ABCC8: variants seen among roughly 807,000 people sequenced by gnomAD.
ABCC8 encodes ATP-binding cassette sub-family C member 8.
A neutral mutation model predicts 188.0 loss-of-function variants in ABCC8; 137 were observed. The observed-to-expected ratio is 0.73, with a 90% CI of 0.63 to 0.84. ABCC8 has a LOEUF of 0.84. Ranked by LOEUF, ABCC8 falls within the 40% of genes least tolerant of loss-of-function variation. The probability of loss-of-function intolerance (pLI) is 0.00; values close to 1 mark genes in which losing one functional copy is unlikely to be tolerated. For missense variants in ABCC8, 1,750 were observed against 2,072.7 expected, an observed-to-expected ratio of 0.84 and a Z score of 3.02; for synonymous variants, 797 against 846.5, an observed-to-expected ratio of 0.94 and a Z score of 1.01.
chr11:17,448,347 A>G (rs1956620335), intron 8 of ABCC8, 169 bp downstream of exon 8: 1 of 675,026 alleles, frequency 1.5e-6, no homozygotes, highest in Non-Finnish European at 2.7e-6. Flanking sequence ...CTTGCAGAGT[A>G]TGGGACAGGA....
chr11:17,438,201 C>T (rs1956180652), intron 10 of ABCC8, among the ~76,000 whole-genome samples: 1 of 152,180 alleles, frequency 6.6e-6, no homozygotes, highest in Non-Finnish European at 1.5e-5. Context: ...TCTGAGTTAG[C>T]GCCTCCACTG....
chr11:17,405,924 G>A (rs1278203053), intron 26 of ABCC8, among the ~76,000 whole-genome samples: 5 of 152,252 alleles, frequency 3.3e-5, no homozygotes, highest in Non-Finnish European at 7.3e-5. Context: ...CTGACCCAGA[G>A]TCAGCCCAAC....
Position 17,393,057 on chromosome 11 carries a change from A to T in ABCC8, c.4680T>A (p.Asp1560Glu), listed in dbSNP as rs773228542. ...VLKRGAILEF[D>E]KPEKLLSRKD... Reference sequence around the variant, plus strand: ...TCCGGCTGAGCAGCTTCTCTGGCTTATCGAACTCAAGGATGGCACCCCGCT... The same window carrying T: ...TCCGGCTGAGCAGCTTCTCTGGCTTTTCGAACTCAAGGATGGCACCCCGCT... Residue 1560 changes from aspartate (D) to glutamate (E), a missense_variant, in exon 39 of 39, where the codon GAT becomes GAA. Physicochemically the swap from Asp to Glu is conservative, Grantham distance 45. Coordinates refer to ENST00000389817, the MANE Select transcript of ABCC8 (RefSeq NM_000352.6). The T allele has an allele frequency of 1.7e-5, 28 of 1,614,034 alleles. No homozygotes were observed. Among genetic ancestry groups the T allele is most frequent in the Non-Finnish European group, 2.4e-5 (28 of 1,180,048 alleles).
rs1316396816 is a variant in ABCC8, at chr11:17,406,965, T to C, written c.3085A>G (p.Ile1029Val). ...GTCCACTTGGCCAGCCAGTAGTCGA[T>C]GGCCACCAGGACCATGTGCTTGAGC... Reference protein sequence around the residue: ...QLLKHMVLVAIDYWLAKWTDS... With the variant: ...QLLKHMVLVAVDYWLAKWTDS... The change falls in exon 25 of 39, where the codon ATC (isoleucine) becomes GTC (valine). Residue 1029 changes from isoleucine (I) to valine (V), a missense_variant. Ile to Val is a conservative substitution (Grantham distance 29). Transcript: ENST00000389817. The C allele has an allele frequency of 1.2e-6, 2 of 1,614,170 alleles. No individual in the cohort carries two copies. The highest frequency in any genetic ancestry group is 1.1e-5 in the South Asian group (1 of 91,086).
chr11:17,426,128 T>C (rs1018791390), intron 16 of ABCC8, among the ~76,000 whole-genome samples: 1 of 152,226 alleles, frequency 6.6e-6, no homozygotes, highest in Non-Finnish European at 1.5e-5. Flanking sequence ...CTATTGTGAA[T>C]AGTGCTGCAA....
In ABCC8 at chr11:17,463,573, G is replaced by T. The variant is rs1166188987; in HGVS notation, c.444C>A (p.Ile148=). 1 of 1,590,308 alleles carries T rather than the reference G, an allele frequency of 6.3e-7. No individual in the cohort carries two copies. The highest frequency in any genetic ancestry group is 8.6e-7 in the Non-Finnish European group (1 of 1,168,072). ...ALLVYWTLAF[I]TKTIKFVKFL... is the part of the protein sequence containing the mutation. Reference sequence around the variant, plus strand: ...ACTTGACAAACTTGATGGTCTTGGTGATGAAGGCCAGGGTCCAATACACCA... The same window carrying T: ...ACTTGACAAACTTGATGGTCTTGGTTATGAAGGCCAGGGTCCAATACACCA... The change falls in exon 4 of 39, where the codon ATC becomes ATA. Residue 148 remains isoleucine (I), a synonymous_variant. Coordinates refer to ENST00000389817, the MANE Select transcript of ABCC8 (RefSeq NM_000352.6).
chr11:17,460,459 T>C (rs1957144146), intron 6 of ABCC8, 29 bp downstream of exon 6: 1 of 1,613,728 alleles, frequency 6.2e-7, no homozygotes, highest in African/African-American at 1.3e-5. Context: ...ATCTAGAGGG[T>C]GCCTTACCCT....
At chr11:17,460,855 C>T (rs999086993) in intron 5 of ABCC8, 179 bp from the exon 6 acceptor site, 4 of 1,272,452 alleles carry the variant, frequency 3.1e-6, no homozygotes, top group African/African-American at 3.0e-5. Flanking sequence ...TGGGAGGGCC[C>T]TATCAACACC....
At chr11:17,475,999 C>A (rs1181250484) in intron 1 of ABCC8, among the ~76,000 whole-genome samples, 1 of 152,194 alleles carries the variant, frequency 6.6e-6, no homozygotes. Context: ...AGCTACTTTG[C>A]GCAGAGCCTG....
intron 37 of ABCC8, 78 bp from the exon 38 acceptor site, chr11:17,393,837 C>T: frequency 6.2e-7 from 1 of 1,613,522 alleles, no homozygotes; most frequent in Non-Finnish European, 8.5e-7. Context: ...ATGTGGAGCC[C>T]AGGTCTGTGG....
At chr11:17,435,852 T>C in intron 10 of ABCC8, 1 of 1,243,126 alleles carries the variant, frequency 8.0e-7, no homozygotes, top group Non-Finnish European at 1.2e-6. Flanking sequence ...GGATCAGTGC[T>C]GGCCCCGGAC....
intron 6 of ABCC8, 129 bp from the exon 7 acceptor site, chr11:17,453,412 G>A (rs1387096811): frequency 7.7e-7 from 1 of 1,303,370 alleles, no homozygotes; most frequent in Non-Finnish European, 1.1e-6. Context: ...AAAGGCTTGT[G>A]CAATTGTTTA....
At chr11:17,399,275 C>CAAAAAAAAAAAAAAAAAAAAA (rs57138230) in intron 29 of ABCC8, among the ~76,000 whole-genome samples, 4 of 58,548 alleles carry the variant, frequency 6.8e-5, no homozygotes, top group Non-Finnish European at 1.1e-4. Context: ...GACTCTGCCT[C>CAAAAAAAAAAAAAAAAAAAAA]AAAAAAAAAA....
At chr11:17,409,640 A>C (rs915972080) in intron 22 of ABCC8, among the ~76,000 whole-genome samples, 1 of 152,194 alleles carries the variant, frequency 6.6e-6, no homozygotes, top group African/African-American at 2.4e-5. Context: ...AAGCAGAGCC[A>C]TTTGGCACCA....
At chr11:17,396,239 G>A (rs1435189523) in intron 33 of ABCC8, 2 of 503,958 alleles carry the variant, frequency 4.0e-6, no homozygotes, top group Non-Finnish European at 7.1e-6. Context: ...GTGTCTCTAT[G>A]GGCATGGGTG....
At chr11:17,450,710 A>ATTTTTT (rs1956783787) in intron 7 of ABCC8, among the ~76,000 whole-genome samples, 1 of 30,678 alleles carries the variant, frequency 3.3e-5, no homozygotes, top group African/African-American at 1.4e-4. Flanking sequence ...TTTTTTTGAG[A>ATTTTTT]TGAAGTCTCA....
chr11:17,449,758 AG>A (rs1384678572), intron 7 of ABCC8, among the ~76,000 whole-genome samples: 1 of 152,176 alleles, frequency 6.6e-6, no homozygotes, highest in African/African-American at 2.4e-5. Flanking sequence ...GTGTAAACCC[AG>A]GCTTTTTTGT....
chr11:17,411,720 C>T (rs1954813256), intron 21 of ABCC8, among the ~76,000 whole-genome samples: 1 of 152,092 alleles, frequency 6.6e-6, no homozygotes, highest in South Asian at 2.1e-4. Flanking sequence ...TTATGCCGCA[C>T]AGTTTGGATT....
intron 10 of ABCC8, 158 bp from the exon 11 acceptor site, chr11:17,432,402 C>T (rs1044249695): frequency 1.2e-5 from 17 of 1,443,384 alleles, no homozygotes; most frequent in Middle Eastern, 2.5e-4. Context: ...GTGGCACTTC[C>T]AGTTCCTCAC....
Sources: gnomAD v4.1 joint callset for allele counts (sites outside exome capture counted in the v4.1 genomes callset) on GRCh38, gnomAD v4.1.1 for gene constraint, MANE v1.5 for transcripts, NCBI Gene and HGNC (gene_info 2026-07-23, HGNC 2026-07-21) for gene names.